The following LILRA1 variants were observed in gnomAD, a reference collection of about 807,000 sequenced individuals.
LILRA1 encodes the protein leukocyte immunoglobulin like receptor A1, also known as leukocyte immunoglobulin-like receptor subfamily A member 1.
Under a neutral mutation model 51.6 loss-of-function variants are expected in LILRA1, and 51 were observed. That is an observed-to-expected ratio of 0.99 (90% CI 0.79 to 1.25). The LOEUF (loss-of-function observed/expected upper bound fraction) is 1.25. Ranked by LOEUF, LILRA1 falls within the 50% of genes most tolerant of loss-of-function variation. The pLI, the probability that LILRA1 is intolerant of heterozygous loss-of-function variation, is 0.00. For missense variants in LILRA1, 660 were observed against 611.7 expected (o/e 1.08, Z -0.83); for synonymous variants, 305 against 248.4 (o/e 1.23, Z -2.14).
At chr19:54,594,528 G>A (rs1178014381) in intron 3 of LILRA1, 52 bp downstream of exon 3, 21 of 1,613,996 alleles carry the variant, frequency 1.3e-5, no homozygotes, top group Non-Finnish European at 1.7e-5. Context: ...GGGGACAAGG[G>A]GCCACCCCCG....
rs2063156937 is a variant in LILRA1 at position 54,601,273 on chromosome 19, C to T, written c.*456C>T. 5.3e-6 allele frequency: 1 copy of T among 188,298 alleles called. No individual in the cohort carries two copies. The highest frequency in any genetic ancestry group is 1.1e-5 in the Non-Finnish European group (1 of 90,368). The allele number at this position is 188,298 out of a possible 1,614,324, so 11.7% of individuals were successfully genotyped here. A position where few individuals can be genotyped will look rare whatever the true frequency, so the allele number is the denominator to read the frequency against. ...TCCAAACGTGCTTCAGTAACTAAAT[C>T]AATGGGAGAGTATCGGATTTCAACC... On this transcript the variant is annotated 3_prime_UTR_variant, in exon 10 of 10. Transcript: ENST00000251372.
intron 7 of LILRA1, among the ~76,000 whole-genome samples, chr19:54,598,286 C>T (rs2063100713): frequency 6.6e-6 from 1 of 151,972 alleles, no homozygotes; most frequent in African/African-American, 2.4e-5. Context: ...TTTTACTTTG[C>T]CTTTCATTGG....
Position 54,599,219 on chromosome 19 carries a change from T to C in LILRA1, c.1262-17T>C. The stretch of plus-strand genomic sequence containing the variant: ...TTACCTCTGAATATGTCTCTTCTCC[T>C]CTGTTTTGATTCTCAGGAGCAGCTG... On this transcript the variant is annotated splice_polypyrimidine_tract_variant and intron_variant, in intron 7 of 9. Coordinates refer to ENST00000251372, the MANE Select transcript of LILRA1 (RefSeq NM_006863.4). 1 of 1,556,928 alleles carries C rather than the reference T, an allele frequency of 6.4e-7. No individual in the cohort carries two copies. The highest frequency in any genetic ancestry group is 1.1e-5 in the South Asian group (1 of 90,508).
Position 54,600,818 on chromosome 19 carries a change from G to T in LILRA1, c.*1G>T, listed in dbSNP as rs1268641395. ...TCAGCACAGCCAGAGAAGCCTCTGA[G>T]ATGCAGCCGGGAGGTGAACAGCAGA... On this transcript the variant is annotated 3_prime_UTR_variant, in exon 10 of 10. Transcript: ENST00000251372. The T allele has an allele frequency of 6.2e-7, 1 of 1,614,082 alleles. No homozygotes were observed. The highest frequency in any genetic ancestry group is 1.1e-5 in the South Asian group (1 of 91,080).
chr19:54,596,632 C>G (rs539993427), intron 7 of LILRA1, 141 bp downstream of exon 7: 13 of 1,206,422 alleles, frequency 1.1e-5, no homozygotes, highest in South Asian at 1.5e-5. Flanking sequence ...CTTTGGGAGG[C>G]CCAGGCGGGT....
Position 54,594,909 on chromosome 19 carries a change from A to G in LILRA1, c.315A>G (p.Ala105=), listed in dbSNP as rs759891929. 6.2e-7 allele frequency: 1 copy of G among 1,614,010 alleles called. No homozygotes were observed. Among genetic ancestry groups the G allele is most frequent in the Non-Finnish European group, 8.5e-7 (1 of 1,179,992 alleles). Residue 105 remains alanine (A), a synonymous_variant, in exon 4 of 10, where the codon GCA becomes GCG. Coordinates refer to ENST00000251372, the MANE Select transcript of LILRA1 (RefSeq NM_006863.4). The part of the protein sequence containing the change: ...RYRCFYGSHT[A]GWSEPSDPLE... ...GCTGTTTCTACGGTAGCCACACTGC[A>G]GGCTGGTCAGAGCCCAGTGACCCCC...
In LILRA1 at chr19:54,596,476, G is replaced by T; in HGVS notation, c.1246G>T (p.Glu416Ter). 1 of 1,614,104 alleles carries T rather than the reference G, an allele frequency of 6.2e-7. No homozygotes were observed. The highest frequency in any genetic ancestry group is 8.5e-7 in the Non-Finnish European group (1 of 1,180,020). Residue 416 changes from glutamate (E) to a stop codon, truncating the protein, a stop_gained, in exon 7 of 10, where the codon GAG becomes TAG. Coordinates refer to ENST00000251372, the MANE Select transcript of LILRA1 (RefSeq NM_006863.4). LOFTEE classifies it high-confidence loss of function. ...YLLSHPSDSL[E>*]LMVSGAAETL... ...GCTGTCTCACCCCAGTGACTCCCTG[G>T]AGCTCATGGTCTCAGGTGAGGGCCC...
At position 54,595,734 on chromosome 19, in the gene LILRA1, G is replaced by A. The variant is rs762424748; in HGVS notation, c.757G>A (p.Asp253Asn). Residue 253 changes from aspartate (D) to asparagine (N), a missense_variant, in exon 6 of 10, where the codon GAC (aspartate) becomes AAC (asparagine). By Grantham distance (23) the Asp-to-Asn change is conservative. Coordinates refer to ENST00000251372, the MANE Select transcript of LILRA1 (RefSeq NM_006863.4). The part of the protein sequence containing the change: ...TLQCVSDVSY[D>N]RFVLYKEGER... ...CCAGTGTGTTTCTGATGTCAGCTACGACAGATTTGTTCTGTATAAGGAGGG... is the reference window on the plus strand; with the variant it reads ...CCAGTGTGTTTCTGATGTCAGCTACAACAGATTTGTTCTGTATAAGGAGGG... 6.2e-6 allele frequency: 10 copies of A among 1,613,956 alleles called. No homozygotes were observed. Among genetic ancestry groups the A allele is most frequent in the Non-Finnish European group, 8.5e-6 (10 of 1,179,980 alleles).
rs527563556 is a variant in LILRA1 at position 54,594,505 on chromosome 19, C to T, written c.70+29C>T. 4.7e-5 allele frequency: 76 copies of T among 1,613,998 alleles called. No homozygotes were observed. In the East Asian group the frequency reaches 1.6e-3, roughly 34 times the overall value. ...AGTCTGTCCCCAGCTCTCCCAGGTCCCTCCTCCTCACTGGGGACAAGGGGC... is the reference window on the plus strand; with the variant it reads ...AGTCTGTCCCCAGCTCTCCCAGGTCTCTCCTCCTCACTGGGGACAAGGGGC... On this transcript the variant is annotated intron_variant, in intron 3 of 9. Transcript: ENST00000251372.
intron 7 of LILRA1, among the ~76,000 whole-genome samples, chr19:54,598,451 G>T (rs970518296): frequency 6.6e-5 from 10 of 152,062 alleles, no homozygotes; most frequent in African/African-American, 2.4e-4. Flanking sequence ...CTGACTGGGC[G>T]GCTCCCTGTG....
chr19:54,596,342 C>G lies in LILRA1; in HGVS notation c.1112C>G (p.Ser371Ter). The change falls in exon 7 of 10, where the codon TCA becomes TGA. Residue 371 changes from serine to a stop codon, truncating the protein, a stop_gained. Transcript: ENST00000251372. LOFTEE classifies it high-confidence loss of function. Reference protein sequence around the residue: ...GAADAPLRLRSIHEYPKYQAE... With the variant: ...GAADAPLRLR ...GCTGATGCCCCCCTCCGTCTCAGAT[C>G]AATACACGAATATCCTAAGTACCAG... is the stretch of plus-strand genomic sequence containing the variant. 1 of 1,614,090 alleles carries G rather than the reference C, an allele frequency of 6.2e-7. No homozygotes were observed. Among genetic ancestry groups the G allele is most frequent in the Non-Finnish European group, 8.5e-7 (1 of 1,180,004 alleles).
In LILRA1 at chr19:54,596,484, G is replaced by C; in HGVS notation, c.1254G>C (p.Met418Ile). 6.2e-7 allele frequency: 1 copy of C among 1,614,132 alleles called. No homozygotes were observed. The highest frequency in any genetic ancestry group is 1.6e-4 in the Middle Eastern group (1 of 6,062). Residue 418 changes from methionine (M) to isoleucine (I), a missense_variant, in exon 7 of 10, where the codon ATG becomes ATC. Met to Ile is a conservative substitution (Grantham distance 10). Transcript: ENST00000251372. ...ACCCCAGTGACTCCCTGGAGCTCATGGTCTCAGGTGAGGGCCCTGACCCTG... is the reference window on the plus strand; with the variant it reads ...ACCCCAGTGACTCCCTGGAGCTCATCGTCTCAGGTGAGGGCCCTGACCCTG... ...LSHPSDSLEL[M>I]VSGAAETLSP...
At position 54,601,122 on chromosome 19, in the gene LILRA1, G is replaced by A; in HGVS notation, c.*305G>A. 1 of 482,308 alleles carries A rather than the reference G, an allele frequency of 2.1e-6. No individual in the cohort carries two copies. The highest frequency in any genetic ancestry group is 3.8e-6 in the Non-Finnish European group (1 of 264,378). 29.9% of individuals were successfully genotyped at this position (482,308 alleles called of 1,614,324 possible). On this transcript the variant is annotated 3_prime_UTR_variant, in exon 10 of 10. Coordinates refer to ENST00000251372, the MANE Select transcript of LILRA1 (RefSeq NM_006863.4). ...ACATGAGGCTACATCCCACATGGCA[G>A]CGTTGGGTCCACACCTCTGCACATC...
At position 54,595,580 on chromosome 19, in the gene LILRA1, G is replaced by A. The variant is rs2063023798; in HGVS notation, c.662-59G>A. 1.2e-5 allele frequency: 19 copies of A among 1,563,504 alleles called. No homozygotes were observed. In the South Asian group the frequency reaches 1.9e-4, roughly 16 times the overall value. ...CAGTGGTGAGGCCCCGGGGGAGAGG[G>A]AGGATATGTGGGGAAGCCTGAGGGT... On this transcript the variant is annotated intron_variant, in intron 5 of 9. Coordinates refer to ENST00000251372, the MANE Select transcript of LILRA1 (RefSeq NM_006863.4).
Position 54,600,886 on chromosome 19 carries a change from A to T in LILRA1, c.*69A>T, listed in dbSNP as rs2063151773. On this transcript the variant is annotated 3_prime_UTR_variant, in exon 10 of 10. Coordinates refer to ENST00000251372, the MANE Select transcript of LILRA1 (RefSeq NM_006863.4). Reference sequence around the variant, plus strand: ...CAGAGTGGTGGAGCCTTGGGAACAGATCTGATGATGCCAGGAGGTTCCGGG... The same window carrying T: ...CAGAGTGGTGGAGCCTTGGGAACAGTTCTGATGATGCCAGGAGGTTCCGGG... 6.4e-7 allele frequency: 1 copy of T among 1,559,510 alleles called. No homozygotes were observed. The highest frequency in any genetic ancestry group is 8.8e-7 in the Non-Finnish European group (1 of 1,130,202).
chr19:54,594,921 G>T lies in LILRA1; in HGVS notation c.327G>T (p.Glu109Asp), dbSNP rs1354386087. ...GTAGCCACACTGCAGGCTGGTCAGAGCCCAGTGACCCCCTGGAGCTGGTGG... is the reference window on the plus strand; with the variant it reads ...GTAGCCACACTGCAGGCTGGTCAGATCCCAGTGACCCCCTGGAGCTGGTGG... ...FYGSHTAGWSEPSDPLELVVT... is the reference protein window; with the variant it reads ...FYGSHTAGWSDPSDPLELVVT... The change falls in exon 4 of 10, where the codon GAG becomes GAT. Residue 109 changes from glutamate to aspartate, a missense_variant. Coordinates refer to ENST00000251372, the MANE Select transcript of LILRA1 (RefSeq NM_006863.4). The T allele has an allele frequency of 1.9e-6, 3 of 1,614,076 alleles. No individual in the cohort carries two copies. In the Admixed American group the frequency reaches 5.0e-5, roughly 27 times the overall value.
At position 54,600,908 on chromosome 19, in the gene LILRA1, C is replaced by T. The variant is rs750305864; in HGVS notation, c.*91C>T. The T allele has an allele frequency of 9.6e-6, 14 of 1,450,974 alleles. No homozygotes were observed. Among genetic ancestry groups the T allele is most frequent in the African/African-American group, 2.8e-5 (2 of 71,580 alleles). The allele number at this position is 1,450,974 out of a possible 1,614,324, so 89.9% of individuals were successfully genotyped here. A position where few individuals can be genotyped will look rare whatever the true frequency, so the allele number is the denominator to read the frequency against. On this transcript the variant is annotated 3_prime_UTR_variant, in exon 10 of 10. Coordinates refer to ENST00000251372, the MANE Select transcript of LILRA1 (RefSeq NM_006863.4). ...CAGATCTGATGATGCCAGGAGGTTC[C>T]GGGAGACAATTTAGGGCTGATGCTA... is the stretch of plus-strand genomic sequence containing the variant.
chr19:54,600,733 C>A lies in LILRA1; in HGVS notation c.1386C>A (p.Leu462=). Reference sequence around the variant, plus strand: ...CCCAGGATTACACAGTGGAGAATCTCATCCGCATGGGCATAGCTGGCTTGG... The same window carrying A: ...CCCAGGATTACACAGTGGAGAATCTAATCCGCATGGGCATAGCTGGCTTGG... ...SHPQDYTVEN[L]IRMGIAGLVL... Residue 462 remains leucine, a synonymous_variant, in exon 10 of 10, where the codon CTC becomes CTA. Transcript: ENST00000251372. The A allele has an allele frequency of 6.2e-7, 1 of 1,614,112 alleles. No homozygotes were observed. The highest frequency in any genetic ancestry group is 8.5e-7 in the Non-Finnish European group (1 of 1,180,008).
In LILRA1 at chr19:54,596,380, A is replaced by G. The variant is rs554668823; in HGVS notation, c.1150A>G (p.Met384Val). 6.2e-7 allele frequency: 1 copy of G among 1,614,052 alleles called. No individual in the cohort carries two copies. Among genetic ancestry groups the G allele is most frequent in the East Asian group, 2.2e-5 (1 of 44,868 alleles). The change falls in exon 7 of 10, where the codon ATG (methionine) becomes GTG (valine). Residue 384 changes from methionine (M) to valine (V), a missense_variant. Met to Val is a conservative substitution (Grantham distance 21, BLOSUM62 1). Transcript: ENST00000251372. ...TCCTAAGTACCAGGCTGAATTCCCT[A>G]TGAGTCCTGTGACCTCAGCCCACTC... is the stretch of plus-strand genomic sequence containing the variant. ...EYPKYQAEFP[M>V]SPVTSAHSGT...
Sources: gnomAD v4.1 joint callset for allele counts (sites outside exome capture counted in the v4.1 genomes callset) on GRCh38, gnomAD v4.1.1 for gene constraint, MANE v1.5 for transcripts, NCBI Gene and HGNC (gene_info 2026-07-23, HGNC 2026-07-21) for gene names.